The following SUPT3H variants were observed in gnomAD, a reference collection of about 807,000 sequenced individuals.
SUPT3H encodes SPT3 homolog, SAGA and STAGA complex component, also known as transcription initiation protein SPT3 homolog.
A neutral mutation model predicts 44.3 loss-of-function variants in SUPT3H; 44 were observed. The observed-to-expected ratio is 0.99, with a 90% CI of 0.78 to 1.28. The LOEUF is 1.28. Among genes scored for constraint, SUPT3H ranks in the 50% most tolerant of loss-of-function variants. SUPT3H has a pLI of 0.00. For synonymous variants in SUPT3H, 124 were observed against 125.6 expected (o/e 0.99, Z 0.09); for missense variants, 380 against 387.1 (o/e 0.98, Z 0.15).
Position 45,113,165 on chromosome 6 carries a change from T to C in SUPT3H, c.102-7159A>G, listed in dbSNP as rs555601327. Among the ~76,000 whole-genome samples, 187 of 152,152 alleles carry C rather than the reference T, an allele frequency of 1.2e-3. 1 individual carries two copies. Among genetic ancestry groups the C allele is most frequent in the Non-Finnish European group, 2.0e-3 (139 of 68,000 alleles). ...CACTTTTATAGACTAGGTATTACTA[T>C]AATACCCAAGAATTTCTCCTAAATG... On this transcript the variant is annotated intron_variant, in intron 2 of 10. Transcript: ENST00000371459.
At chr6:45,270,013 T>C (rs1433388600) in intron 2 of SUPT3H, among the ~76,000 whole-genome samples, 1 of 152,164 alleles carries the variant, frequency 6.6e-6, no homozygotes, top group Admixed American at 6.6e-5. Context: ...ATTCTAGATA[T>C]TACAAATAAG....
chr6:45,169,383 T>C (rs1010915046), intron 2 of SUPT3H, among the ~76,000 whole-genome samples: 1 of 152,198 alleles, frequency 6.6e-6, no homozygotes, highest in African/African-American at 2.4e-5. Flanking sequence ...ATTAAATTTA[T>C]ACTTAAAATT....
chr6:45,254,760 T>C (rs1474727448), intron 2 of SUPT3H, among the ~76,000 whole-genome samples: 1 of 152,190 alleles, frequency 6.6e-6, no homozygotes, highest in African/African-American at 2.4e-5. Context: ...CACTTACCCA[T>C]GGTTTAAGTT....
chr6:45,145,182 G>A (rs1805842057), intron 2 of SUPT3H, among the ~76,000 whole-genome samples: 1 of 151,648 alleles, frequency 6.6e-6, no homozygotes, highest in African/African-American at 2.4e-5. Flanking sequence ...AAATTCATAG[G>A]GGACCAATAA....
chr6:45,181,420 T>A (rs1813153269), intron 2 of SUPT3H, among the ~76,000 whole-genome samples: 1 of 151,964 alleles, frequency 6.6e-6, no homozygotes, highest in African/African-American at 2.4e-5. Context: ...TGCACACATA[T>A]GTTTATTGCG....
At chr6:44,836,164 G>A (rs1262071943) in intron 10 of SUPT3H, among the ~76,000 whole-genome samples, 1 of 152,110 alleles carries the variant, frequency 6.6e-6, no homozygotes, top group Non-Finnish European at 1.5e-5. Context: ...TGGGAATCAT[G>A]GCTGAATTTC....
intron 3 of SUPT3H, among the ~76,000 whole-genome samples, chr6:45,075,640 T>C (rs971173382): frequency 1.3e-5 from 2 of 152,132 alleles, no homozygotes; most frequent in East Asian, 1.9e-4. Flanking sequence ...TAGAAATTCA[T>C]GTGCTTTGTG....
At chr6:44,878,812 T>C (rs924451591) in intron 10 of SUPT3H, among the ~76,000 whole-genome samples, 7 of 151,984 alleles carry the variant, frequency 4.6e-5, no homozygotes, top group African/African-American at 1.7e-4. Flanking sequence ...TCACCAGGAA[T>C]AGCAAGGGGT....
At chr6:45,120,614 T>C (rs1180571189) in intron 2 of SUPT3H, among the ~76,000 whole-genome samples, 1 of 151,908 alleles carries the variant, frequency 6.6e-6, no homozygotes, top group African/African-American at 2.4e-5. Context: ...CTAAAGAAGT[T>C]GAACAACAAA....
intron 2 of SUPT3H, among the ~76,000 whole-genome samples, chr6:45,108,442 T>C (rs1241417129): frequency 1.3e-5 from 2 of 152,258 alleles, no homozygotes; most frequent in African/African-American, 4.8e-5. Flanking sequence ...GTATCTTATA[T>C]GTATGTGTGT....
At chr6:45,266,279 A>C (rs565550240) in intron 2 of SUPT3H, among the ~76,000 whole-genome samples, 1 of 151,974 alleles carries the variant, frequency 6.6e-6, no homozygotes, top group Non-Finnish European at 1.5e-5. Context: ...AATTTTTTTT[A>C]AAAATCTAGA....
intron 2 of SUPT3H, among the ~76,000 whole-genome samples, chr6:45,290,005 GC>G (rs1229317652): frequency 6.6e-6 from 1 of 151,930 alleles, no homozygotes; most frequent in Non-Finnish European, 1.5e-5. Flanking sequence ...CAACAGAGAT[GC>G]CATCTTTACA....
intron 2 of SUPT3H, among the ~76,000 whole-genome samples, chr6:45,137,480 GTATACCAACA>G (rs1017453778): frequency 2.6e-5 from 4 of 151,858 alleles, no homozygotes; most frequent in Non-Finnish European, 4.4e-5. Flanking sequence ...ATATGTCTAT[GTATACCAACA>G]TATACCAATG....
intron 10 of SUPT3H, among the ~76,000 whole-genome samples, chr6:44,880,877 C>T (rs970167056): frequency 2.8e-4 from 42 of 152,126 alleles, no homozygotes; most frequent in Admixed American, 2.7e-3. Context: ...CAATCAAATG[C>T]TGATTTTGTC....
intron 3 of SUPT3H, among the ~76,000 whole-genome samples, chr6:45,075,562 T>C (rs976283266): frequency 2.0e-5 from 3 of 152,164 alleles, no homozygotes; most frequent in Admixed American, 6.5e-5. Context: ...TTTCTCGTCA[T>C]GAAATTCCAT....
At chr6:44,915,604 A>T (rs958962014) in intron 10 of SUPT3H, among the ~76,000 whole-genome samples, 4 of 152,172 alleles carry the variant, frequency 2.6e-5, no homozygotes, top group Non-Finnish European at 4.4e-5. Flanking sequence ...CTTAAGTCTG[A>T]TAAGAAACAT....
chr6:44,848,660 A>G (rs1772318253), intron 10 of SUPT3H, among the ~76,000 whole-genome samples: 2 of 152,278 alleles, frequency 1.3e-5, no homozygotes, highest in South Asian at 2.1e-4. Context: ...AGTCTTTTCT[A>G]TTACAGACCA....
intron 3 of SUPT3H, among the ~76,000 whole-genome samples, chr6:45,023,640 G>C (rs1028869958): frequency 6.6e-6 from 1 of 152,026 alleles, no homozygotes; most frequent in South Asian, 2.1e-4. Context: ...GGATGGAGTC[G>C]GAGGCTAACT....
chr6:45,211,742 G>A lies in SUPT3H; in HGVS notation c.102-105736C>T, dbSNP rs183054829. Among the ~76,000 whole-genome samples the A allele has an allele frequency of 1.2e-3, 182 of 152,188 alleles. 2 individuals carry two copies. The highest frequency in any genetic ancestry group is 4.0e-3 in the African/African-American group (167 of 41,508). The stretch of plus-strand genomic sequence containing the variant: ...CATGTGCCTGTAATCCCAGCTACAC[G>A]GGAGGCTGAAGCAGGAGAATCACTT... On this transcript the variant is annotated intron_variant, in intron 2 of 10. Transcript: ENST00000371459.
Sources: allele counts gnomAD v4.1 joint callset (sites outside exome capture counted in the v4.1 genomes callset), GRCh38; gene constraint gnomAD v4.1.1; transcripts MANE v1.5; gene names NCBI Gene and HGNC (gene_info 2026-07-23, HGNC 2026-07-21).